Variants in PTTG1IP2 observed in about 807,000 individuals in gnomAD.
The protein encoded by PTTG1IP2 is PTTG1IP family member 2.
At chr7:90,491,951 T>C (rs1797943372) in intron 4 of PTTG1IP2, among the ~76,000 whole-genome samples, 1 of 151,964 alleles carries the variant, frequency 6.6e-6, no homozygotes, top group Non-Finnish European at 1.5e-5. Context: ...GCCAACATGG[T>C]GAAACCCTGT....
rs573328145 is a variant in PTTG1IP2, at chr7:90,470,576, G to T, written c.145+645G>T. The stretch of plus-strand genomic sequence containing the variant: ...TGAGACAGAATAATTACTGCTGTCT[G>T]GTTTCCAGAGTAGAAAAGAATGTTA... On this transcript the variant is annotated intron_variant, in intron 1 of 6. Transcript: ENST00000509356. Among the ~76,000 whole-genome samples the T allele has an allele frequency of 1.3e-4, 20 of 152,282 alleles. No homozygotes were observed. The East Asian group carries it at 3.3e-3, about 25-fold the overall frequency.
intron 2 of PTTG1IP2, among the ~76,000 whole-genome samples, chr7:90,479,937 C>A (rs1177951170): frequency 6.6e-6 from 1 of 152,174 alleles, no homozygotes; most frequent in Non-Finnish European, 1.5e-5. Flanking sequence ...GATATACACC[C>A]TCTGCCCTGT....
At chr7:90,512,667 A>G (rs984408250) in intron 6 of PTTG1IP2, among the ~76,000 whole-genome samples, 10 of 152,220 alleles carry the variant, frequency 6.6e-5, no homozygotes, top group Non-Finnish European at 1.0e-4. Context: ...GGAAGTAGAC[A>G]TTTGAGATGG....
At chr7:90,471,278 C>T (rs752676788) in intron 1 of PTTG1IP2, among the ~76,000 whole-genome samples, 135 of 152,172 alleles carry the variant, frequency 8.9e-4, no homozygotes, top group African/African-American at 3.0e-3. Flanking sequence ...TCACGAGATC[C>T]TCATCTATGT....
chr7:90,509,000 G>A (rs1014717336), intron 6 of PTTG1IP2, among the ~76,000 whole-genome samples: 2 of 152,120 alleles, frequency 1.3e-5, no homozygotes, highest in African/African-American at 4.8e-5. Flanking sequence ...TCTGTGATGA[G>A]AAAGGCACTT....
intron 2 of PTTG1IP2, among the ~76,000 whole-genome samples, chr7:90,483,478 C>A (rs547746581): frequency 5.0e-4 from 76 of 152,294 alleles, no homozygotes; most frequent in South Asian, 1.2e-3. Context: ...CCCTCTATGA[C>A]AAATCCAGCC....
chr7:90,470,930 G>T (rs17874791), intron 1 of PTTG1IP2, among the ~76,000 whole-genome samples: 1 of 140,186 alleles, frequency 7.1e-6, no homozygotes, highest in African/African-American at 2.7e-5. Flanking sequence ...AATTTTTCAC[G>T]TCTTAAGACT....
intron 4 of PTTG1IP2, among the ~76,000 whole-genome samples, chr7:90,490,804 G>A (rs938134886): frequency 1.1e-4 from 17 of 152,212 alleles, no homozygotes; most frequent in East Asian, 1.9e-4. Flanking sequence ...AGGGGCCTGA[G>A]CAAATATCCA....
intron 6 of PTTG1IP2, among the ~76,000 whole-genome samples, chr7:90,505,884 TG>T (rs1296352017): frequency 6.7e-6 from 1 of 148,610 alleles, no homozygotes; most frequent in Admixed American, 6.8e-5. Context: ...CTCGGGAGGC[TG>T]AGGCAGGAGA....
chr7:90,511,582 C>G (rs1452760891), intron 6 of PTTG1IP2, among the ~76,000 whole-genome samples: 1 of 152,136 alleles, frequency 6.6e-6, no homozygotes, highest in Admixed American at 6.6e-5. Flanking sequence ...AGTTAAAACT[C>G]TTAACTTTTT....
intron 1 of PTTG1IP2, among the ~76,000 whole-genome samples, chr7:90,472,747 C>T (rs568469648): frequency 1.5e-4 from 23 of 152,266 alleles, no homozygotes; most frequent in African/African-American, 4.3e-4. Context: ...TACCCAATCT[C>T]GGTACTAAGT....
chr7:90,486,798 A>C (rs983469888), intron 2 of PTTG1IP2, among the ~76,000 whole-genome samples: 3 of 152,144 alleles, frequency 2.0e-5, no homozygotes, highest in Non-Finnish European at 4.4e-5. Context: ...TGTTTCCTAA[A>C]CCTAGAGTCT....
chr7:90,504,878 T>G (rs1423528048), intron 6 of PTTG1IP2, among the ~76,000 whole-genome samples: 2 of 152,248 alleles, frequency 1.3e-5, no homozygotes, highest in African/African-American at 4.8e-5. Flanking sequence ...ATGCTTGACA[T>G]TTATATTCTT....
At chr7:90,489,170 T>C (rs1358641279) in intron 4 of PTTG1IP2, among the ~76,000 whole-genome samples, 2 of 151,788 alleles carry the variant, frequency 1.3e-5, no homozygotes, top group African/African-American at 4.8e-5. Flanking sequence ...ACCCCACCTC[T>C]AACACTGTCT....
At chr7:90,491,807 T>G (rs1296077717) in intron 4 of PTTG1IP2, among the ~76,000 whole-genome samples, 1 of 152,140 alleles carries the variant, frequency 6.6e-6, no homozygotes, top group African/African-American at 2.4e-5. Context: ...GGTGGAGGGA[T>G]AAAAGAAGAA....
intron 6 of PTTG1IP2, among the ~76,000 whole-genome samples, chr7:90,500,399 T>C (rs1798048820): frequency 6.6e-6 from 1 of 151,738 alleles, no homozygotes; most frequent in African/African-American, 2.4e-5. Context: ...AACAAGACAG[T>C]GAGGAGGAAG....
intron 6 of PTTG1IP2, among the ~76,000 whole-genome samples, chr7:90,507,552 C>T (rs1159466848): frequency 6.6e-6 from 1 of 152,060 alleles, no homozygotes; most frequent in Non-Finnish European, 1.5e-5. Flanking sequence ...AATGGTGATT[C>T]TTGGGCTCTC....
At chr7:90,476,938 A>T (rs569336709) in intron 1 of PTTG1IP2, among the ~76,000 whole-genome samples, 1 of 152,038 alleles carries the variant, frequency 6.6e-6, no homozygotes, top group African/African-American at 2.4e-5. Context: ...CAATAAAAAA[A>T]TTTTGTTTTG....
At chr7:90,495,963 G>C (rs537155644) in intron 6 of PTTG1IP2, among the ~76,000 whole-genome samples, 17 of 152,212 alleles carry the variant, frequency 1.1e-4, no homozygotes, top group East Asian at 1.9e-4. Context: ...TTTGGGGTTG[G>C]GGGGGAGTAC....
Sources: allele counts gnomAD v4.1 joint callset (sites outside exome capture counted in the v4.1 genomes callset), GRCh38; gene constraint gnomAD v4.1.1; transcripts MANE v1.5; gene names NCBI Gene and HGNC (gene_info 2026-07-23, HGNC 2026-07-21).